SCIN: variants seen among roughly 807,000 people sequenced by gnomAD.
The protein encoded by SCIN is adseverin.
SCIN carries 91 observed loss-of-function variants against 91.8 expected under a neutral mutation model. The ratio of observed to expected loss-of-function variants is 0.99; its 90% CI spans 0.84 to 1.18. The LOEUF is 1.18. SCIN is among the 50% of genes most tolerant of loss of function. The pLI is 0.00. For synonymous variants in SCIN, 367 were observed against 312.6 expected, an observed-to-expected ratio of 1.17 and a Z score of -1.84; for missense variants, 1,087 against 863.9, an observed-to-expected ratio of 1.26 and a Z score of -3.24.
rs371329665 is a variant in SCIN, at chr7:12,603,385, C to T, written c.517-1129C>T. Among the ~76,000 whole-genome samples, 11 of 152,106 alleles carry T rather than the reference C, an allele frequency of 7.2e-5. No homozygotes were observed. In the East Asian group the frequency reaches 7.7e-4, roughly 11 times the overall value. On this transcript the variant is annotated intron_variant, in intron 3 of 15. Coordinates refer to ENST00000297029, the MANE Select transcript of SCIN (RefSeq NM_001112706.3). Reference sequence around the variant, plus strand: ...ATTCTCAATCTCCTGACCCACGATCCGCAAGCCTCGGCCTCTCAAAGTGCT... The same window carrying T: ...ATTCTCAATCTCCTGACCCACGATCTGCAAGCCTCGGCCTCTCAAAGTGCT...
At chr7:12,606,414 G>A (rs904314670) in intron 4 of SCIN, among the ~76,000 whole-genome samples, 3 of 152,028 alleles carry the variant, frequency 2.0e-5, no homozygotes, top group Admixed American at 6.6e-5. Flanking sequence ...GTAGTTACAT[G>A]GTCCAGTGAT....
rs1467918230 is a variant in SCIN, at chr7:12,654,562, G to T, written c.*1847G>T. 1 of 152,004 alleles carries T rather than the reference G, an allele frequency of 6.6e-6. No homozygotes were observed. The highest frequency in any genetic ancestry group is 1.5e-5 in the Non-Finnish European group (1 of 67,986). 9.4% of individuals were successfully genotyped at this position (152,004 alleles called of 1,614,324 possible). On this transcript the variant is annotated 3_prime_UTR_variant, in exon 16 of 16. Transcript: ENST00000297029. ...TTAAAAATATTTATAAATATCTTCT[G>T]GGTCAAGCTGAATATTTTTTGAAGG...
At chr7:12,613,992 G>T (rs779270563) in intron 4 of SCIN, among the ~76,000 whole-genome samples, 1 of 152,176 alleles carries the variant, frequency 6.6e-6, no homozygotes, top group Admixed American at 6.5e-5. Flanking sequence ...GTATCACAGA[G>T]AAATTAAATA....
intron 11 of SCIN, among the ~76,000 whole-genome samples, chr7:12,641,290 A>G (rs560453864): frequency 2.6e-5 from 4 of 152,070 alleles, no homozygotes; most frequent in African/African-American, 9.6e-5. Flanking sequence ...CTCTCCCTGC[A>G]CCTGATTTCT....
At chr7:12,631,200 T>A (rs569065844) in intron 9 of SCIN, among the ~76,000 whole-genome samples, 1 of 152,344 alleles carries the variant, frequency 6.6e-6, no homozygotes, top group African/African-American at 2.4e-5. Flanking sequence ...ATTTCTTGTA[T>A]CATTTGAAAG....
intron 1 of SCIN, among the ~76,000 whole-genome samples, chr7:12,575,661 A>G (rs1782355441): frequency 6.6e-6 from 1 of 152,210 alleles, no homozygotes; most frequent in Non-Finnish European, 1.5e-5. Context: ...CAAGTCTAAC[A>G]TAATATAAAA....
At chr7:12,582,733 T>C (rs1480960686) in intron 3 of SCIN, among the ~76,000 whole-genome samples, 1 of 151,928 alleles carries the variant, frequency 6.6e-6, no homozygotes, top group African/African-American at 2.4e-5. Flanking sequence ...GTTCCACCCT[T>C]CCATTCTCCC....
chr7:12,594,129 G>A (rs992936953), intron 3 of SCIN, among the ~76,000 whole-genome samples: 18 of 152,092 alleles, frequency 1.2e-4, no homozygotes, highest in Non-Finnish European at 8.8e-5. Flanking sequence ...GCCCGAGAGC[G>A]GGTGAGGGGA....
At position 12,578,124 on chromosome 7, in the gene SCIN, A is replaced by G. The variant is rs1027893003; in HGVS notation, c.260A>G (p.Asp87Gly). The change falls in exon 2 of 16, where the codon GAC becomes GGC. Residue 87 changes from aspartate (D) to glycine (G), a missense_variant. By Grantham distance (94) the Asp-to-Gly change is moderately conservative. Coordinates refer to ENST00000297029, the MANE Select transcript of SCIN (RefSeq NM_001112706.3). ...GCCATCTTCACTGTTCAGATGGATG[A>G]CTATTTGGGTGGCAAGCCAGTGCAG... The part of the protein sequence containing the change: ...AAAIFTVQMD[D>G]YLGGKPVQNR... 9.0e-6 allele frequency: 14 copies of G among 1,550,992 alleles called. No individual in the cohort carries two copies. Among genetic ancestry groups the G allele is most frequent in the Non-Finnish European group, 1.2e-5 (14 of 1,146,574 alleles).
At chr7:12,649,666 AAC>A (rs1784040689) in intron 14 of SCIN, 122 bp downstream of exon 14, 180 of 505,856 alleles carry the variant, frequency 3.6e-4, no homozygotes, top group South Asian at 8.0e-4. Flanking sequence ...GTATTTAAAA[AAC>A]ACACACACAC....
In SCIN at chr7:12,640,370, G is replaced by A. The variant is rs971925853; in HGVS notation, c.1434G>A (p.Glu478=). 6 of 1,605,422 alleles carry A rather than the reference G, an allele frequency of 3.7e-6. No homozygotes were observed. Among genetic ancestry groups the A allele is most frequent in the African/African-American group, 2.7e-5 (2 of 74,262 alleles). The change falls in exon 11 of 16, where the codon GAG becomes GAA. Residue 478 remains glutamate (E), a synonymous_variant. Coordinates refer to ENST00000297029, the MANE Select transcript of SCIN (RefSeq NM_001112706.3). ...AVQIRVSQGK[E]PVHLLSLFKD... ...AGATCCGAGTCTCCCAAGGCAAAGA[G>A]CCTGTTCACCTACTGAGTTTGTTCA...
At chr7:12,652,033 A>G (rs1435835124) in intron 15 of SCIN, 132 bp downstream of exon 15, 1 of 605,524 alleles carries the variant, frequency 1.7e-6, no homozygotes, top group Admixed American at 3.2e-5. Context: ...TTCCTCCTCA[A>G]AACTAAAGAG....
chr7:12,642,475 T>TCCAGC (rs1783876616), intron 11 of SCIN, among the ~76,000 whole-genome samples: 1 of 151,988 alleles, frequency 6.6e-6, no homozygotes, highest in African/African-American at 2.4e-5. Context: ...TACTGCATCA[T>TCCAGC]TTCTCTGTCC....
chr7:12,575,723 G>A (rs1349917235), intron 1 of SCIN, among the ~76,000 whole-genome samples: 3 of 152,122 alleles, frequency 2.0e-5, no homozygotes, highest in Non-Finnish European at 4.4e-5. Context: ...GGTAAAATCA[G>A]TGTAGGGAAA....
chr7:12,617,343 C>A (rs757488829), intron 4 of SCIN, among the ~76,000 whole-genome samples: 1 of 151,976 alleles, frequency 6.6e-6, no homozygotes, highest in East Asian at 1.9e-4. Context: ...CTCTTAGTAG[C>A]GGCTCCACCC....
At chr7:12,610,704 A>G (rs1783172519) in intron 4 of SCIN, among the ~76,000 whole-genome samples, 1 of 152,198 alleles carries the variant, frequency 6.6e-6, no homozygotes. Flanking sequence ...CTAGATTTAC[A>G]TGGAAAGGCA....
chr7:12,598,904 T>A (rs2115243745), intron 3 of SCIN, among the ~76,000 whole-genome samples: 1 of 151,596 alleles, frequency 6.6e-6, no homozygotes, highest in African/African-American at 2.4e-5. Flanking sequence ...CCAGACTCTG[T>A]CTCAAAAAAA....
chr7:12,582,829 A>G (rs562322652), intron 3 of SCIN, among the ~76,000 whole-genome samples: 31 of 152,268 alleles, frequency 2.0e-4, no homozygotes, highest in African/African-American at 7.5e-4. Flanking sequence ...TCCGAAAGCA[A>G]TTGCAGCATT....
rs138570307 is a variant in SCIN at position 12,605,295 on chromosome 7, C to T, written c.666+632C>T. ...TGATCCCCTGACCTTGTGATCCGCC[C>T]GCCTTGGCCTCCCAAAGTGCTGGGA... is the stretch of plus-strand genomic sequence containing the variant. On this transcript the variant is annotated intron_variant, in intron 4 of 15. Transcript: ENST00000297029. Among the ~76,000 whole-genome samples, 1,084 of 152,230 alleles carry T rather than the reference C, an allele frequency of 7.1e-3. 41 individuals are homozygous for T. Among genetic ancestry groups the T allele is most frequent in the Admixed American group, 0.052 (800 of 15,292 alleles).
Sources: allele counts gnomAD v4.1 joint callset (sites outside exome capture counted in the v4.1 genomes callset), GRCh38; gene constraint gnomAD v4.1.1; transcripts MANE v1.5; gene names NCBI Gene and HGNC (gene_info 2026-07-23, HGNC 2026-07-21).